SIL1: variants seen among roughly 807,000 people sequenced by gnomAD.
SIL1 encodes SIL1 nucleotide exchange factor.
SIL1 carries 40 observed loss-of-function variants against 49.1 expected under a neutral mutation model. The observed-to-expected ratio is 0.81, with a 90% CI of 0.63 to 1.06. The LOEUF (loss-of-function observed/expected upper bound fraction) is 1.06. SIL1 is among the 50% of genes least tolerant of loss of function. The probability of loss-of-function intolerance (pLI) is 0.00; values close to 1 mark genes in which losing one functional copy is unlikely to be tolerated. For missense variants in SIL1, 500 were observed against 572.6 expected (o/e 0.87, Z 1.29); for synonymous variants, 253 against 250.8 (o/e 1.01, Z -0.08).
rs60336598 is a variant in SIL1, at chr5:139,110,169, G to GA, written c.244+10865dup. 6.9e-3 allele frequency among the ~76,000 whole-genome samples: 825 copies of GA among 119,580 alleles called. 3 individuals carry two copies. Among genetic ancestry groups the GA allele is most frequent in the South Asian group, 0.028 (105 of 3,798 alleles). 78.4% of individuals were successfully genotyped at this position (119,580 alleles called of 152,430 possible). A position where few individuals can be genotyped will look rare whatever the true frequency, so the allele number is the denominator to read the frequency against. On this transcript the variant is annotated intron_variant, in intron 3 of 9. Transcript: ENST00000394817. ...GGGTGACAGAGCAAGACTCTGTCTC[G>GA]AAAAAAAAAAAAAAGAAGAGCCTGA...
Position 139,050,956 on chromosome 5 carries a change from T to C in SIL1, c.335A>G (p.Asn112Ser). The C allele has an allele frequency of 6.2e-7, 1 of 1,614,198 alleles. No homozygotes were observed. The highest frequency in any genetic ancestry group is 8.5e-7 in the Non-Finnish European group (1 of 1,180,014). Residue 112 changes from asparagine to serine, a missense_variant, in exon 4 of 10, where the codon AAT becomes AGT. Asn to Ser is a conservative substitution (Grantham distance 46). Coordinates refer to ENST00000394817, the MANE Select transcript of SIL1 (RefSeq NM_022464.5). ...ACTGTACCTTTTGCCTTTCAAATTATTTCGGAACTTGTCCTCATATTGGAG... is the reference window on the plus strand; with the variant it reads ...ACTGTACCTTTTGCCTTTCAAATTACTTCGGAACTTGTCCTCATATTGGAG... ...AKLQYEDKFRNNLKGKRLDIN... is the reference protein window; with the variant it reads ...AKLQYEDKFRSNLKGKRLDIN...
chr5:138,988,445 T>C (rs373797021), intron 7 of SIL1, among the ~76,000 whole-genome samples: 3 of 152,366 alleles, frequency 2.0e-5, no homozygotes, highest in African/African-American at 7.2e-5. Flanking sequence ...AAACCATCAG[T>C]AATCACTTCT....
intron 1 of SIL1, among the ~76,000 whole-genome samples, chr5:139,160,272 G>A (rs555008347): frequency 1.5e-4 from 23 of 151,784 alleles, no homozygotes; most frequent in Non-Finnish European, 2.4e-4. Flanking sequence ...GAAAACTTCC[G>A]AAAGAAAACA....
chr5:139,160,716 G>C (rs1356149119), intron 1 of SIL1, among the ~76,000 whole-genome samples: 3 of 152,114 alleles, frequency 2.0e-5, no homozygotes, highest in Non-Finnish European at 4.4e-5. Context: ...TGTAGTCCCA[G>C]CTACTCAGGA....
intron 3 of SIL1, among the ~76,000 whole-genome samples, chr5:139,101,362 CT>C (rs1006484986): frequency 3.3e-5 from 5 of 152,198 alleles, no homozygotes; most frequent in African/African-American, 1.2e-4. Flanking sequence ...CCTATCTTTT[CT>C]CTGAAATTTA....
chr5:139,175,081 G>A (rs1348615397), intron 1 of SIL1, among the ~76,000 whole-genome samples: 1 of 151,998 alleles, frequency 6.6e-6, no homozygotes, highest in Non-Finnish European at 1.5e-5. Context: ...CAGAACTTTG[G>A]GAGGCCAAGG....
intron 3 of SIL1, among the ~76,000 whole-genome samples, chr5:139,051,428 C>G (rs937429110): frequency 6.6e-6 from 1 of 152,120 alleles, no homozygotes; most frequent in Non-Finnish European, 1.5e-5. Flanking sequence ...GCTACTTTAC[C>G]GTCTCTTCCA....
chr5:139,025,130 G>C (rs1180864333), intron 6 of SIL1, among the ~76,000 whole-genome samples: 1 of 152,148 alleles, frequency 6.6e-6, no homozygotes, highest in Non-Finnish European at 1.5e-5. Flanking sequence ...GTTCATAGAC[G>C]TATCTCAAGT....
chr5:139,185,701 C>G (rs1752066286), intron 1 of SIL1, among the ~76,000 whole-genome samples: 1 of 152,234 alleles, frequency 6.6e-6, no homozygotes, highest in Non-Finnish European at 1.5e-5. Flanking sequence ...GCACTGCTTT[C>G]AGTTTCTCAT....
chr5:139,161,053 G>C (rs529110060), intron 1 of SIL1, among the ~76,000 whole-genome samples: 2 of 152,190 alleles, frequency 1.3e-5, no homozygotes, highest in Non-Finnish European at 2.9e-5. Context: ...AGACCAGCCT[G>C]ACCAACATGG....
intron 3 of SIL1, among the ~76,000 whole-genome samples, chr5:139,104,967 C>A (rs753140131): frequency 1.3e-5 from 2 of 152,054 alleles, no homozygotes; most frequent in Non-Finnish European, 1.5e-5. Flanking sequence ...AGAGGAAAAG[C>A]GGAAGAAATG....
Position 139,072,968 on chromosome 5 carries a change from C to T in SIL1, c.245-21922G>A, listed in dbSNP as rs112637853. Among the ~76,000 whole-genome samples, 847 of 152,248 alleles carry T rather than the reference C, an allele frequency of 5.6e-3. 4 individuals carry two copies. The highest frequency in any genetic ancestry group is 0.02 in the African/African-American group (812 of 41,550). ...GTATATAAAAAAAAGATCAACATCA[C>T]TAATCATCAGGGAAACACAAATTAA... is the stretch of plus-strand genomic sequence containing the variant. On this transcript the variant is annotated intron_variant, in intron 3 of 9. Transcript: ENST00000394817.
intron 5 of SIL1, among the ~76,000 whole-genome samples, chr5:139,028,296 A>G (rs1002926658): frequency 3.3e-5 from 5 of 151,922 alleles, no homozygotes; most frequent in Non-Finnish European, 7.4e-5. Context: ...TCAGGAGTTC[A>G]AGACCAGCCT....
At chr5:138,986,592 C>T (rs912385881) in intron 7 of SIL1, among the ~76,000 whole-genome samples, 1 of 152,180 alleles carries the variant, frequency 6.6e-6, no homozygotes, top group African/African-American at 2.4e-5. Context: ...CCTCTCAAGG[C>T]ACTGATTGGG....
chr5:139,063,358 T>C (rs931665063), intron 3 of SIL1, among the ~76,000 whole-genome samples: 1 of 152,136 alleles, frequency 6.6e-6, no homozygotes, highest in Non-Finnish European at 1.5e-5. Flanking sequence ...TAAAGAAAAC[T>C]GGGGCTAAAG....
chr5:139,101,064 C>G (rs1273358397), intron 3 of SIL1, among the ~76,000 whole-genome samples: 23 of 152,176 alleles, frequency 1.5e-4, no homozygotes, highest in Non-Finnish European at 8.8e-5. Context: ...TGAGAAAAAT[C>G]AAGACTTTCT....
At chr5:139,068,525 CAG>C in intron 3 of SIL1, among the ~76,000 whole-genome samples, 1 of 151,682 alleles carries the variant, frequency 6.6e-6, no homozygotes, top group East Asian at 1.9e-4. Context: ...ATAAAGGAAA[CAG>C]AGTCCAGATA....
At chr5:139,148,983 A>C in intron 1 of SIL1, among the ~76,000 whole-genome samples, 1 of 152,168 alleles carries the variant, frequency 6.6e-6, no homozygotes, top group East Asian at 1.9e-4. Context: ...CCAGCGGAAA[A>C]CACTGGGTAG....
At chr5:139,019,260 G>C (rs185349294) in intron 7 of SIL1, among the ~76,000 whole-genome samples, 2 of 152,336 alleles carry the variant, frequency 1.3e-5, no homozygotes, top group East Asian at 3.9e-4. Context: ...GACATGAAGA[G>C]TAAATGATGA....
Sources: allele counts gnomAD v4.1 joint callset (sites outside exome capture counted in the v4.1 genomes callset), GRCh38; gene constraint gnomAD v4.1.1; transcripts MANE v1.5; gene names NCBI Gene and HGNC (gene_info 2026-07-23, HGNC 2026-07-21).